PASK: variants seen among roughly 807,000 people sequenced by gnomAD.
The protein encoded by PASK is PAS domain containing serine/threonine kinase, also known as PAS domain-containing serine/threonine-protein kinase.
A neutral mutation model predicts 121.0 loss-of-function variants in PASK; 110 were observed. The ratio of observed to expected loss-of-function variants is 0.91; its 90% CI spans 0.78 to 1.06. The LOEUF is 1.06. PASK is among the 50% of genes least tolerant of loss of function. The pLI, the probability that PASK is intolerant of heterozygous loss-of-function variation, is 0.00. For synonymous variants in PASK, 686 were observed against 717.8 expected (o/e 0.96, Z 0.71); for missense variants, 1,643 against 1,702.3 (o/e 0.97, Z 0.61).
intron 10 of PASK, among the ~76,000 whole-genome samples, chr2:241,124,477 C>T (rs924981718): frequency 4.6e-5 from 7 of 152,220 alleles, no homozygotes; most frequent in Admixed American, 3.9e-4. Flanking sequence ...TCAGAATAGC[C>T]GGGAGAACCT....
At chr2:241,113,399 T>TGCATATTTATATATACATACCC (rs2065188008) in intron 14 of PASK, 1 of 151,882 alleles carries the variant, frequency 6.6e-6, no homozygotes, top group African/African-American at 2.4e-5. Context: ...TATACATACC[T>TGCATATTTATATATACATACCC]GCATATTTAT....
chr2:241,124,811 CAACACTACAAAATCAGCAATATGGA>C (rs1191698162), intron 10 of PASK, among the ~76,000 whole-genome samples: 1 of 152,196 alleles, frequency 6.6e-6, no homozygotes, highest in African/African-American at 2.4e-5. Context: ...CCCTAGCTAT[CAACACTACAAAATCAGCAATATGGA>C]AACAACTGGC....
At position 241,127,148 on chromosome 2, in the gene PASK, C is replaced by A; in HGVS notation, c.1767G>T (p.Gly589=). ...SGPSGSDLWA[G]AAVAKPQAKG... is the part of the protein sequence containing the mutation. ...TGGCCTGGGGCTTGGCCACGGCAGC[C>A]CCAGCCCAAAGGTCTGAACCGCTGG... Residue 589 remains glycine (G), a synonymous_variant, in exon 10 of 18, where the codon GGG becomes GGT. Transcript: ENST00000234040. 3 of 1,614,034 alleles carry A rather than the reference C, an allele frequency of 1.9e-6. No individual in the cohort carries two copies. Among genetic ancestry groups the A allele is most frequent in the Non-Finnish European group, 2.5e-6 (3 of 1,179,988 alleles).
rs1434399904 is a variant in PASK at position 241,139,900 on chromosome 2, C to A, written c.585G>T (p.Val195=). 1 of 1,614,178 alleles carries A rather than the reference C, an allele frequency of 6.2e-7. No individual in the cohort carries two copies. Among genetic ancestry groups the A allele is most frequent in the Admixed American group, 1.7e-5 (1 of 60,028 alleles). The change falls in exon 4 of 18, where the codon GTG becomes GTT. Residue 195 remains valine, a synonymous_variant. Transcript: ENST00000234040. The stretch of plus-strand genomic sequence containing the variant: ...ATCCACTCACCACCGTGCCAAACAC[C>A]ACCGCAGCGTGGCCGTCGGCCTCCA... ...EHMEADGHAA[V]VFGTVVDIIS...
At chr2:241,114,777 A>G (rs2065255706) in intron 14 of PASK, 1 of 1,409,102 alleles carries the variant, frequency 7.1e-7, no homozygotes, top group Non-Finnish European at 9.2e-7. Flanking sequence ...TATTTTATGT[A>G]TGTAAATAAA....
chr2:241,132,480 G>A (rs1410644652), intron 9 of PASK, among the ~76,000 whole-genome samples: 1 of 115,822 alleles, frequency 8.6e-6, no homozygotes, highest in African/African-American at 3.2e-5. Context: ...AATGAGCTGA[G>A]ATCGCACCAC....
At chr2:241,137,580 C>T (rs1178744518) in intron 6 of PASK, among the ~76,000 whole-genome samples, 4 of 152,186 alleles carry the variant, frequency 2.6e-5, no homozygotes, top group African/African-American at 9.7e-5. Context: ...AGGCTCGGGG[C>T]TCAGCCACGC....
At position 241,121,190 on chromosome 2, in the gene PASK, C is replaced by T. The variant is rs148611979; in HGVS notation, c.3072+1542G>A. Among the ~76,000 whole-genome samples the T allele has an allele frequency of 5.7e-4, 87 of 152,266 alleles. 1 individual carries two copies. Among genetic ancestry groups the T allele is most frequent in the African/African-American group, 1.6e-3 (68 of 41,558 alleles). ...TGGGATGGAGGAAATTCGAGCAGGA[C>T]GGGGGTTATGCGACTGACTACTGAT... On this transcript the variant is annotated intron_variant, in intron 12 of 17. Transcript: ENST00000234040.
At chr2:241,127,891 A>AT in intron 9 of PASK, 1 of 282,484 alleles carries the variant, frequency 3.5e-6, no homozygotes, top group South Asian at 3.5e-5. Flanking sequence ...AAAACAACTG[A>AT]TTGACTACAA....
intron 12 of PASK, among the ~76,000 whole-genome samples, chr2:241,115,745 C>T (rs2065316154): frequency 6.7e-6 from 1 of 148,262 alleles, no homozygotes; most frequent in Non-Finnish European, 1.5e-5. Flanking sequence ...CATCCCGTTA[C>T]ACCAGGGGCC....
intron 1 of PASK, among the ~76,000 whole-genome samples, chr2:241,146,143 AATAGGAACAAGCGTTTTAC>A (rs1457296804): frequency 2.0e-5 from 3 of 152,226 alleles, no homozygotes; most frequent in Admixed American, 2.0e-4. Context: ...AATGTCAAGA[AATAGGAACAAGCGTTTTAC>A]AGGAGAGGAA....
chr2:241,144,095 T>G (rs758070), intron 1 of PASK, among the ~76,000 whole-genome samples: 40,492 of 151,934 alleles, frequency 0.27, 6,608 homozygotes, highest in Middle Eastern at 0.45. Flanking sequence ...TGTGTGTGTG[T>G]GGGTGTGCGT....
rs2065898813 is a variant in PASK at position 241,127,009 on chromosome 2, G to A, written c.1906C>T (p.Leu636Phe). Residue 636 changes from leucine to phenylalanine, a missense_variant, in exon 10 of 18, where the codon CTC becomes TTC. By Grantham distance (22) the Leu-to-Phe change is conservative. Transcript: ENST00000234040. ...TCTAGAGTAGGTGTCCCAAACGAGAGGCCTGCCATCCCAGAGGGGCTGGGG... is the reference window on the plus strand; with the variant it reads ...TCTAGAGTAGGTGTCCCAAACGAGAAGCCTGCCATCCCAGAGGGGCTGGGG... ...LAPSPSGMAGLSFGTPTLDEP... is the reference protein window; with the variant it reads ...LAPSPSGMAGFSFGTPTLDEP... 1.2e-6 allele frequency: 2 copies of A among 1,614,126 alleles called. No individual in the cohort carries two copies. Among genetic ancestry groups the A allele is most frequent in the African/African-American group, 1.3e-5 (1 of 74,950 alleles).
chr2:241,118,870 T>TCCCGCAGCTCCTGGA (rs2065482824), intron 12 of PASK: 2 of 969,458 alleles, frequency 2.1e-6, no homozygotes, highest in African/African-American at 3.5e-5. Context: ...ATGGGGCACT[T>TCCCGCAGCTCCTGGA]CCCGCAGCTC....
intron 12 of PASK, among the ~76,000 whole-genome samples, chr2:241,121,584 C>T (rs984924509): frequency 6.6e-6 from 1 of 152,120 alleles, no homozygotes; most frequent in African/African-American, 2.4e-5. Flanking sequence ...GACTTTCAGA[C>T]TGAATTTCAA....
chr2:241,138,567 G>T (rs2066552464), intron 5 of PASK, 87 bp downstream of exon 5: 1 of 1,464,158 alleles, frequency 6.8e-7, no homozygotes, highest in African/African-American at 1.4e-5. Flanking sequence ...CTTCCCAAAG[G>T]AATGAGACAG....
Position 241,112,262 on chromosome 2 carries a change from GT to G in PASK, c.3510del (p.Pro1171ArgfsTer55). ...YTFCGTIEYC[A>X]PEVLMGNPYR... ...TACGGATTCCCCATGAGAACTTCCG[GT>G]GCACAGTACTCGATGGTCCCACAAA... On this transcript the variant is annotated frameshift_variant, in exon 15 of 18. Transcript: ENST00000234040. LOFTEE classifies it high-confidence loss of function. The surrounding 1 kb of genome is among the most constrained non-coding windows in gnomAD (Gnocchi z 5.2). 6.2e-7 allele frequency: 1 copy of G among 1,613,656 alleles called. No homozygotes were observed. Among genetic ancestry groups the G allele is most frequent in the Non-Finnish European group, 8.5e-7 (1 of 1,179,674 alleles).
rs55792951 is a variant in PASK at position 241,108,303 on chromosome 2, G to T, written c.3534-3C>A. 1 of 1,613,950 alleles carries T rather than the reference G, an allele frequency of 6.2e-7. No individual in the cohort carries two copies. Among genetic ancestry groups the T allele is most frequent in the Non-Finnish European group, 8.5e-7 (1 of 1,179,932 alleles). ...TCTCCAGCTCCGGCCCTCTGTAGCT[G>T]TGAGGAGGAGGAGGCATCAGGACGC... On this transcript the variant is annotated splice_region_variant and splice_polypyrimidine_tract_variant and intron_variant, in intron 15 of 17. Transcript: ENST00000234040. The surrounding 1 kb of genome is among the most constrained non-coding windows in gnomAD (Gnocchi z 5.2).
rs969874308 is a variant in PASK at position 241,126,670 on chromosome 2, T to C, written c.2245A>G (p.Ser749Gly). The change falls in exon 10 of 18, where the codon AGT becomes GGT. Residue 749 changes from serine to glycine, a missense_variant. Physicochemically the swap from Ser to Gly is moderately conservative, Grantham distance 56. Coordinates refer to ENST00000234040, the MANE Select transcript of PASK (RefSeq NM_015148.4). Reference sequence around the variant, plus strand: ...GATGACGTTTGGTCTGTCTGGTCACTGAAAAAGAGTTCCTTGAGGTTCCAG... The same window carrying C: ...GATGACGTTTGGTCTGTCTGGTCACCGAAAAAGAGTTCCTTGAGGTTCCAG... ...FSWNLKELFF[S>G]DQTDQTSSNC... 11 of 1,614,112 alleles carry C rather than the reference T, an allele frequency of 6.8e-6. No homozygotes were observed. The African/African-American group carries it at 9.3e-5, about 14-fold the overall frequency.
Sources: gnomAD v4.1 joint callset for allele counts (sites outside exome capture counted in the v4.1 genomes callset) on GRCh38, gnomAD v4.1.1 for gene constraint, Gnocchi (gnomAD v3.1) non-coding constraint, MANE v1.5 for transcripts, NCBI Gene and HGNC (gene_info 2026-07-23, HGNC 2026-07-21) for gene names.